The following AGK variants were observed in gnomAD, a reference collection of about 807,000 sequenced individuals.
AGK encodes acylglycerol kinase, mitochondrial.
In AGK, 52 loss-of-function variants were observed where a neutral mutation model predicts 66.4. The ratio of observed to expected loss-of-function variants is 0.78; its 90% confidence interval spans 0.63 to 0.99. AGK has a LOEUF of 0.99. AGK is among the 50% of genes least tolerant of loss of function. AGK has a pLI of 0.00. For synonymous variants in AGK, 182 were observed against 181.1 expected (o/e 1.00, Z -0.04); for missense variants, 451 against 506.6 (o/e 0.89, Z 1.05).
At position 141,598,936 on chromosome 7, in the gene AGK, C is replaced by T. The variant is rs149783277; in HGVS notation, c.222-2269C>T. The T allele has an allele frequency of 6.2e-3, 946 of 152,202 alleles. 8 individuals are homozygous for T. The highest frequency in any genetic ancestry group is 0.021 in the African/African-American group (888 of 41,532). The allele number at this position is 152,202 out of a possible 1,614,324, so 9.4% of individuals were successfully genotyped here. A position where few individuals can be genotyped will look rare whatever the true frequency, so the allele number is the denominator to read the frequency against. On this transcript the variant is annotated intron_variant, in intron 4 of 15. Coordinates refer to ENST00000649286, the MANE Select transcript of AGK (RefSeq NM_018238.4). The surrounding 1 kb of genome is among the most constrained non-coding windows in gnomAD (Gnocchi z 4.2). ...TCAGAGCAATTTTAGGGTCTTTTTA[C>T]ATGTAAATATATTTGCATTTTTAAA... is the stretch of plus-strand genomic sequence containing the variant.
At chr7:141,636,397 G>C (rs1797170865) in intron 10 of AGK, among the ~76,000 whole-genome samples, 1 of 152,112 alleles carries the variant, frequency 6.6e-6, no homozygotes, top group South Asian at 2.1e-4. Flanking sequence ...TGCAGATAGA[G>C]AATATTTGGG....
intron 9 of AGK, among the ~76,000 whole-genome samples, chr7:141,623,347 C>G (rs1288472021): frequency 6.7e-6 from 1 of 149,134 alleles, no homozygotes; most frequent in Non-Finnish European, 1.5e-5. Context: ...CCATTGCACT[C>G]CAGCCTGGGT....
chr7:141,569,200 G>T (rs186475160), intron 2 of AGK, among the ~76,000 whole-genome samples: 2 of 152,242 alleles, frequency 1.3e-5, no homozygotes, highest in East Asian at 1.9e-4. Flanking sequence ...TGCCTGAGGG[G>T]TGTGTTCAGT....
In AGK at chr7:141,555,750, C is replaced by T. The variant is rs369682211; in HGVS notation, c.101+183C>T. On this transcript the variant is annotated intron_variant, in intron 2 of 15. Transcript: ENST00000649286. This position sits in a 1 kb window ranked among gnomAD's most constrained non-coding sequence, Gnocchi z 4.2. ...AACCAGAGCTGGAACTACATGCATA[C>T]TTATATCCAGTGGTTAGAGAATAAA... Among the ~76,000 whole-genome samples, 5 of 152,330 alleles carry T rather than the reference C, an allele frequency of 3.3e-5. No individual in the cohort carries two copies. Among genetic ancestry groups the T allele is most frequent in the Admixed American group, 6.5e-5 (1 of 15,310 alleles).
intron 5 of AGK, among the ~76,000 whole-genome samples, chr7:141,610,822 G>T (rs1489287371): frequency 2.0e-5 from 3 of 152,174 alleles, no homozygotes; most frequent in African/African-American, 7.2e-5. Context: ...CTGTGCTCTT[G>T]TCATTACATC....
rs775124221 is a variant in AGK at position 141,650,595 on chromosome 7, ATTTACT to A, written c.1047-928_1047-923del. On this transcript the variant is annotated intron_variant, in intron 14 of 15. Transcript: ENST00000649286. Reference sequence around the variant, plus strand: ...TTGTTAATAAATGATAAATGGACTGATTTACTTAGATTAGCTTTTACTGTATTTCCA... The same window carrying A: ...TTGTTAATAAATGATAAATGGACTGATAGATTAGCTTTTACTGTATTTCCA... The A allele has an allele frequency of 1.2e-4, 120 of 985,438 alleles. No individual in the cohort carries two copies. The African/African-American group carries it at 2.0e-3, about 16-fold the overall frequency. 61.0% of individuals were successfully genotyped at this position (985,438 alleles called of 1,614,324 possible).
At chr7:141,601,660 A>G (rs1391106642) in intron 5 of AGK, among the ~76,000 whole-genome samples, 6 of 152,200 alleles carry the variant, frequency 3.9e-5, no homozygotes, top group Non-Finnish European at 1.5e-5. Context: ...CTCTCTGGTA[A>G]GGAATTATCT....
chr7:141,652,679 G>A, intron 15 of AGK, 108 bp from the exon 16 acceptor site: 6 of 1,200,712 alleles, frequency 5.0e-6, no homozygotes. Context: ...CTCCTCAAGA[G>A]AGGATGTTGT....
At chr7:141,553,933 A>C (rs1022179089) in intron 1 of AGK, among the ~76,000 whole-genome samples, 1 of 152,194 alleles carries the variant, frequency 6.6e-6, no homozygotes, top group African/African-American at 2.4e-5. Context: ...AATTTTGCTT[A>C]AATTTTTGTT....
intron 2 of AGK, among the ~76,000 whole-genome samples, chr7:141,581,106 G>T (rs908363015): frequency 7.9e-5 from 12 of 152,040 alleles, no homozygotes; most frequent in Middle Eastern, 3.4e-3. Context: ...GGGAGAGCAC[G>T]TGTGTTTTTA....
chr7:141,640,794 G>T (rs1274169510), intron 11 of AGK, among the ~76,000 whole-genome samples: 1 of 152,178 alleles, frequency 6.6e-6, no homozygotes, highest in East Asian at 1.9e-4. Context: ...TGAAGCAGAA[G>T]TGAGAAGCCT....
intron 8 of AGK, among the ~76,000 whole-genome samples, chr7:141,617,498 A>G (rs1661096546): frequency 1.3e-5 from 2 of 152,224 alleles, no homozygotes; most frequent in African/African-American, 2.4e-5. Flanking sequence ...GCCTAAGGCT[A>G]TTTAAAAAGA....
intron 5 of AGK, among the ~76,000 whole-genome samples, chr7:141,609,303 C>T (rs1183297211): frequency 6.6e-6 from 1 of 152,184 alleles, no homozygotes; most frequent in East Asian, 1.9e-4. Flanking sequence ...AGACTGTCCA[C>T]ACTTCAGGCG....
At position 141,551,910 on chromosome 7, in the gene AGK, T is replaced by G. The variant is rs142020232; in HGVS notation, c.-15+476T>G. Among the ~76,000 whole-genome samples the G allele has an allele frequency of 7.6e-3, 1,159 of 152,238 alleles. 13 individuals carry two copies. The highest frequency in any genetic ancestry group is 0.027 in the African/African-American group (1,103 of 41,550). On this transcript the variant is annotated intron_variant, in intron 1 of 15. Transcript: ENST00000649286. ...GGTTCACTATCTAGTAAGAAAAACATTTCCACCTGGATACTCCACAGGCGT... is the reference window on the plus strand; with the variant it reads ...GGTTCACTATCTAGTAAGAAAAACAGTTCCACCTGGATACTCCACAGGCGT...
At position 141,651,532 on chromosome 7, in the gene AGK, A is replaced by C; in HGVS notation, c.1054A>C (p.Lys352Gln). Residue 352 changes from lysine to glutamine, a missense_variant, in exon 15 of 16, where the codon AAG (lysine) becomes CAG (glutamine). Coordinates refer to ENST00000649286, the MANE Select transcript of AGK (RefSeq NM_018238.4). ...TTTTTCCTGTGCTCACAGAAGTCGA[A>C]AGGTGAGAAACCCCAAGCTGCACGT... ...KGDFITIGSRKVRNPKLHVEG... is the reference protein window; with the variant it reads ...KGDFITIGSRQVRNPKLHVEG... 1 of 1,614,204 alleles carries C rather than the reference A, an allele frequency of 6.2e-7. No homozygotes were observed. The highest frequency in any genetic ancestry group is 8.5e-7 in the Non-Finnish European group (1 of 1,180,034).
chr7:141,557,949 A>T (rs1179526380), intron 2 of AGK, among the ~76,000 whole-genome samples: 1 of 152,120 alleles, frequency 6.6e-6, no homozygotes, highest in South Asian at 2.1e-4. Context: ...GATCTCTAGA[A>T]CTTTTTCATC....
chr7:141,635,889 G>A (rs1385099000), intron 10 of AGK, among the ~76,000 whole-genome samples: 1 of 152,066 alleles, frequency 6.6e-6, no homozygotes, highest in Non-Finnish European at 1.5e-5. Flanking sequence ...CAAATCATAA[G>A]CTCTCAAAGG....
At chr7:141,650,764 C>G in intron 14 of AGK, 1 of 842,416 alleles carries the variant, frequency 1.2e-6, no homozygotes, top group African/African-American at 1.8e-5. Flanking sequence ...CCCACGGTAT[C>G]CTTGGGGTAT....
chr7:141,639,708 AG>A (rs898762322), intron 11 of AGK, among the ~76,000 whole-genome samples: 4 of 152,138 alleles, frequency 2.6e-5, no homozygotes, highest in African/African-American at 9.7e-5. Context: ...TGAATGTAGG[AG>A]GAGGCTTAGG....
Sources: allele counts gnomAD v4.1 joint callset (sites outside exome capture counted in the v4.1 genomes callset), GRCh38; gene constraint gnomAD v4.1.1; non-coding constraint Gnocchi (gnomAD v3.1); transcripts MANE v1.5; gene names NCBI Gene and HGNC (gene_info 2026-07-23, HGNC 2026-07-21).